Variants in UNC13A observed in about 807,000 individuals in gnomAD.
UNC13A encodes unc-13 homolog A, also known as protein unc-13 homolog A.
A neutral mutation model predicts 219.7 loss-of-function variants in UNC13A; 61 were observed. That is an observed-to-expected ratio of 0.28 (90% CI 0.23 to 0.34). The LOEUF (loss-of-function observed/expected upper bound fraction) is 0.34. UNC13A is among the 10% of genes least tolerant of loss of function. The pLI is 1.00. For synonymous variants in UNC13A, 920 were observed against 884.6 expected (o/e 1.04, Z -0.71); for missense variants, 1,476 against 2,270.3 (o/e 0.65, Z 7.11).
At chr19:17,646,476 G>A (rs976945030) in intron 17 of UNC13A, among the ~76,000 whole-genome samples, 4 of 151,954 alleles carry the variant, frequency 2.6e-5, no homozygotes, top group Admixed American at 1.3e-4. Context: ...GGTCGGTCTC[G>A]AATTCCTGAC....
chr19:17,625,014 C>G (rs2076768157), intron 34 of UNC13A, 62 bp from the exon 35 acceptor site: 2 of 1,577,770 alleles, frequency 1.3e-6, no homozygotes, highest in Admixed American at 1.8e-5. Flanking sequence ...GATCACCTTC[C>G]CTTAACAGGT....
At position 17,610,116 on chromosome 19, in the gene UNC13A, AG is replaced by A; in HGVS notation, c.4652-18del. ...CAGCCACCACTGTTGGAGGAAGTAG[AG>A]GGTAAGACAGGTCAGGTTCTCCCAG... On this transcript the variant is annotated intron_variant, in intron 42 of 43. Coordinates refer to ENST00000519716, the MANE Select transcript of UNC13A (RefSeq NM_001080421.3). 6.2e-7 allele frequency: 1 copy of A among 1,613,556 alleles called. No individual in the cohort carries two copies. Among genetic ancestry groups the A allele is most frequent in the Non-Finnish European group, 8.5e-7 (1 of 1,179,540 alleles).
chr19:17,621,682 C>T, intron 37 of UNC13A, 150 bp downstream of exon 37: 1 of 718,442 alleles, frequency 1.4e-6, no homozygotes, highest in Non-Finnish European at 2.4e-6. Context: ...TCATCTCTGA[C>T]TTCTGGTTTT....
rs758603263 is a variant in UNC13A at position 17,672,352 on chromosome 19, T to C, written c.270+26A>G. The C allele has an allele frequency of 5.6e-6, 9 of 1,601,472 alleles. No homozygotes were observed. The East Asian group carries it at 2.0e-4, about 36-fold the overall frequency. ...GCTTCTGCAAGGCACTCCTCCTTCT[T>C]CACCCTCAGGCCACCCGCCACTCAC... On this transcript the variant is annotated intron_variant, in intron 4 of 43. Transcript: ENST00000519716.
In UNC13A at chr19:17,688,241, T is replaced by C; in HGVS notation, c.-42A>G. 6.8e-7 allele frequency: 1 copy of C among 1,460,268 alleles called. No homozygotes were observed. The highest frequency in any genetic ancestry group is 1.4e-5 in the South Asian group (1 of 72,976). 90.5% of individuals were successfully genotyped at this position (1,460,268 alleles called of 1,614,324 possible). A position where few individuals can be genotyped will look rare whatever the true frequency, so the allele number is the denominator to read the frequency against. ...GTGGGCCGGAGGCGGCCGGGCCGGCTCTGTCGGGTCGGGCTCAGCGGCCGC... is the reference window on the plus strand; with the variant it reads ...GTGGGCCGGAGGCGGCCGGGCCGGCCCTGTCGGGTCGGGCTCAGCGGCCGC... On this transcript the variant is annotated 5_prime_UTR_variant, in exon 1 of 44. Transcript: ENST00000519716.
chr19:17,657,943 G>C (rs1297308918), intron 9 of UNC13A, 119 bp downstream of exon 9: 2 of 1,015,940 alleles, frequency 2.0e-6, no homozygotes, highest in Admixed American at 2.3e-5. Context: ...TGCCCTCCTG[G>C]ATGGGTGAAT....
At chr19:17,673,349 C>T (rs530015401) in intron 3 of UNC13A, among the ~76,000 whole-genome samples, 5 of 120,300 alleles carry the variant, frequency 4.2e-5, no homozygotes, top group African/African-American at 1.8e-4. Context: ...AAAAGCAAAA[C>T]TCAGTCTCAA....
chr19:17,633,907 C>T (rs546585303), intron 26 of UNC13A, among the ~76,000 whole-genome samples: 5 of 148,480 alleles, frequency 3.4e-5, no homozygotes, highest in Admixed American at 1.3e-4. Flanking sequence ...CCATCCATCC[C>T]TCTTTCCATT....
chr19:17,684,627 C>T (rs1021078516), intron 1 of UNC13A, among the ~76,000 whole-genome samples: 4 of 152,232 alleles, frequency 2.6e-5, no homozygotes, highest in African/African-American at 7.2e-5. Flanking sequence ...AAGGCCCATA[C>T]ACCATACAGG....
intron 1 of UNC13A, among the ~76,000 whole-genome samples, chr19:17,678,744 G>A (rs1415989273): frequency 6.6e-6 from 1 of 151,996 alleles, no homozygotes; most frequent in African/African-American, 2.4e-5. Flanking sequence ...CAGCCTGCAG[G>A]CGTGGGGACT....
intron 43 of UNC13A, among the ~76,000 whole-genome samples, chr19:17,608,299 C>A (rs1192857537): frequency 7.5e-6 from 1 of 133,302 alleles, no homozygotes; most frequent in African/African-American, 2.8e-5. Context: ...ATAATATATA[C>A]TATATATAAT....
intron 34 of UNC13A, chr19:17,626,328 T>A (rs1487952342): frequency 7.0e-6 from 2 of 286,774 alleles, no homozygotes; most frequent in Admixed American, 9.7e-5. Context: ...TTTTAAAACA[T>A]CTATCCTCCC....
rs1294138796 is a variant in UNC13A, at chr19:17,640,419, G to A, written c.2787+92C>T. 6 of 1,444,912 alleles carry A rather than the reference G, an allele frequency of 4.2e-6. No individual in the cohort carries two copies. The Admixed American group carries it at 1.4e-4, about 35-fold the overall frequency. 89.5% of individuals were successfully genotyped at this position (1,444,912 alleles called of 1,614,324 possible). A position where few individuals can be genotyped will look rare whatever the true frequency, so the allele number is the denominator to read the frequency against. On this transcript the variant is annotated intron_variant, in intron 22 of 43. Transcript: ENST00000519716. ...CTGGTGGAAAGTCACACAGCAATCA[G>A]GTCTAGACTGGGGACCCAGAAGTCA...
At chr19:17,646,523 A>T (rs1258181731) in intron 17 of UNC13A, among the ~76,000 whole-genome samples, 5 of 151,896 alleles carry the variant, frequency 3.3e-5, no homozygotes, top group African/African-American at 1.2e-4. Flanking sequence ...CAGCCTCCCA[A>T]AGTGCTGGGA....
Position 17,623,559 on chromosome 19 carries a change from G to T in UNC13A, c.4198-12C>A. On this transcript the variant is annotated splice_polypyrimidine_tract_variant and intron_variant, in intron 35 of 43. Transcript: ENST00000519716. ...CTACTTACGATCATCTGTCATCCGT[G>T]ATGGGGGCGGGGCGGTGGGGGAGGG... The T allele has an allele frequency of 8.3e-7, 1 of 1,210,550 alleles. No homozygotes were observed. Among genetic ancestry groups the T allele is most frequent in the Non-Finnish European group, 1.1e-6 (1 of 891,038 alleles). 75.0% of individuals were successfully genotyped at this position (1,210,550 alleles called of 1,614,324 possible).
chr19:17,658,123 G>A lies in UNC13A; in HGVS notation c.706C>T (p.Arg236Trp), dbSNP rs2079491785. ...TGCATGGAGTCACTGTAGGACTCCC[G>A]GGAGCCCAGGGGTGGTGGGCGAACA... is the stretch of plus-strand genomic sequence containing the variant. ...YSVRPPPLGS[R>W]ESYSDSMHSY... Residue 236 changes from arginine (R) to tryptophan (W), a missense_variant, in exon 9 of 44, where the codon CGG becomes TGG. Around this residue, in one of 14 missense-constraint regions of UNC13A, gnomAD observed 351 missense variants for 342.6 expected, o/e 1.02. Coordinates refer to ENST00000519716, the MANE Select transcript of UNC13A (RefSeq NM_001080421.3). The A allele has an allele frequency of 6.2e-7, 1 of 1,613,884 alleles. No individual in the cohort carries two copies. Among genetic ancestry groups the A allele is most frequent in the Non-Finnish European group, 8.5e-7 (1 of 1,179,880 alleles).
intron 16 of UNC13A, among the ~76,000 whole-genome samples, 176 bp downstream of exon 16, chr19:17,648,255 G>T (rs1003784751): frequency 7.7e-6 from 1 of 129,912 alleles, no homozygotes; most frequent in African/African-American, 3.0e-5. Context: ...GGAGTCCTGC[G>T]CCTTTAACCC....
chr19:17,618,050 C>T (rs2076687017), intron 40 of UNC13A, among the ~76,000 whole-genome samples: 1 of 152,210 alleles, frequency 6.6e-6, no homozygotes, highest in African/African-American at 2.4e-5. Flanking sequence ...TGGCTTCTCC[C>T]ACCTTGGGCT....
chr19:17,639,639 G>T, intron 23 of UNC13A, 114 bp from the exon 24 acceptor site: 1 of 1,249,516 alleles, frequency 8.0e-7, no homozygotes, highest in Non-Finnish European at 1.1e-6. Context: ...GTTGATTAGA[G>T]CACCTCGAAG....
Sources: gnomAD v4.1 joint callset for allele counts (sites outside exome capture counted in the v4.1 genomes callset) on GRCh38, gnomAD v4.1.1 for gene constraint, gnomAD v4.1.1 regional missense constraint, MANE v1.5 for transcripts, NCBI Gene and HGNC (gene_info 2026-07-23, HGNC 2026-07-21) for gene names.